Variants in KCNA10 observed in about 807,000 individuals in gnomAD.
KCNA10 encodes the protein cyclic GMP gated potassium channel.
A neutral mutation model predicts 21.4 loss-of-function variants in KCNA10; 16 were observed. The ratio of observed to expected loss-of-function variants is 0.75; its 90% CI spans 0.51 to 1.14. The LOEUF (loss-of-function observed/expected upper bound fraction) is 1.14, where lower values mean the gene tolerates loss of function less well. Among genes scored for constraint, KCNA10 ranks in the 50% most tolerant of loss-of-function variants. The pLI is 0.00. For missense variants in KCNA10, 677 were observed against 649.1 expected, an observed-to-expected ratio of 1.04 and a Z score of -0.47; for synonymous variants, 276 against 245.9, an observed-to-expected ratio of 1.12 and a Z score of -1.15.
At position 110,517,444 on chromosome 1, in the gene KCNA10, G is replaced by C. The variant is rs773143869; in HGVS notation, c.1344C>G (p.Thr448=). The change falls in exon 1 of 1, where the codon ACC becomes ACG. Residue 448 remains threonine, a synonymous_variant. Coordinates refer to ENST00000369771, the MANE Select transcript of KCNA10 (RefSeq NM_005549.2). Reference sequence around the variant, plus strand: ...CAATGACAGGCACAGGGAGGGCAATGGTGAGGACCCCTGCAATGGCACACA... The same window carrying C: ...CAATGACAGGCACAGGGAGGGCAATCGTGAGGACCCCTGCAATGGCACACA... ...GTLCAIAGVL[T]IALPVPVIVS... is the part of the protein sequence containing the mutation. 2 of 1,614,198 alleles carry C rather than the reference G, an allele frequency of 1.2e-6. No individual in the cohort carries two copies. The highest frequency in any genetic ancestry group is 2.2e-5 in the East Asian group (1 of 44,880).
Position 110,518,446 on chromosome 1 carries a change from G to A in KCNA10, c.342C>T (p.Asp114=), listed in dbSNP as rs1647288150. ...LSQFPETLLG[D]REKRMQFFDS... ...CAAAGAACTGCATCCTTTTTTCCCG[G>A]TCTCCCAGGAGAGTCTCTGGGAACT... is the stretch of plus-strand genomic sequence containing the variant. The change falls in exon 1 of 1, where the codon GAC becomes GAT. Residue 114 remains aspartate, a synonymous_variant. Coordinates refer to ENST00000369771, the MANE Select transcript of KCNA10 (RefSeq NM_005549.2). 1.2e-6 allele frequency: 2 copies of A among 1,613,946 alleles called. No individual in the cohort carries two copies. Among genetic ancestry groups the A allele is most frequent in the South Asian group, 1.1e-5 (1 of 91,066 alleles).
chr1:110,518,056 A>G lies in KCNA10; in HGVS notation c.732T>C (p.Asp244=), dbSNP rs1187196896. 1 of 1,613,652 alleles carries G rather than the reference A, an allele frequency of 6.2e-7. No individual in the cohort carries two copies. The highest frequency in any genetic ancestry group is 8.5e-7 in the Non-Finnish European group (1 of 1,179,916). The stretch of plus-strand genomic sequence containing the variant: ...GGTCTCTGACCACCTTTAGCTCCCT[A>G]TCCTCCCGGAACTCTGGCAGTGTCT... ...CLETLPEFRE[D]RELKVVRDPN... Residue 244 remains aspartate (D), a synonymous_variant, in exon 1 of 1, where the codon GAT becomes GAC. Coordinates refer to ENST00000369771, the MANE Select transcript of KCNA10 (RefSeq NM_005549.2).
In KCNA10 at chr1:110,518,403, A is replaced by G; in HGVS notation, c.385T>C (p.Tyr129His). The G allele has an allele frequency of 6.2e-7, 1 of 1,614,096 alleles. No individual in the cohort carries two copies. Among genetic ancestry groups the G allele is most frequent in the Non-Finnish European group, 8.5e-7 (1 of 1,180,024 alleles). Residue 129 changes from tyrosine (Y) to histidine (H), a missense_variant, in exon 1 of 1, where the codon TAT (tyrosine) becomes CAT (histidine). Transcript: ENST00000369771. ...CTGGGCCGGTTCCGATCAAAGAAAT[A>G]CTCATTTCTCATGGAGTCAAAGAAC... ...MQFFDSMRNE[Y>H]FFDRNRPSFD...
Position 110,518,206 on chromosome 1 carries a change from G to C in KCNA10, c.582C>G (p.Pro194=). The change falls in exon 1 of 1, where the codon CCC becomes CCG. Residue 194 remains proline (P), a synonymous_variant. Coordinates refer to ENST00000369771, the MANE Select transcript of KCNA10 (RefSeq NM_005549.2). ...GFIKDPETLL[P]TNDIHRQFWL... ...AGAACTGACGGTGGATGTCATTGGT[G>C]GGTAGCAGTGTTTCAGGGTCTTTGA... 1 of 1,613,888 alleles carries C rather than the reference G, an allele frequency of 6.2e-7. No individual in the cohort carries two copies. Among genetic ancestry groups the C allele is most frequent in the Non-Finnish European group, 8.5e-7 (1 of 1,180,004 alleles).
At position 110,517,529 on chromosome 1, in the gene KCNA10, G is replaced by A; in HGVS notation, c.1259C>T (p.Thr420Ile). The change falls in exon 1 of 1, where the codon ACA becomes ATA. Residue 420 changes from threonine (T) to isoleucine (I), a missense_variant. Physicochemically the swap from Thr to Ile is moderately conservative, Grantham distance 89. Transcript: ENST00000369771. ...DGFWWAVVTM[T>I]TVGYGDMCPT... ...GCACATGTCCCCATAGCCTACAGTT[G>A]TCATGGTGACCACTGCCCACCAGAA... is the stretch of plus-strand genomic sequence containing the variant. 1 of 1,614,220 alleles carries A rather than the reference G, an allele frequency of 6.2e-7. No homozygotes were observed. Among genetic ancestry groups the A allele is most frequent in the Non-Finnish European group, 8.5e-7 (1 of 1,180,052 alleles).
In KCNA10 at chr1:110,517,244, T is replaced by G. The variant is rs1570714390; in HGVS notation, c.*8A>C. On this transcript the variant is annotated 3_prime_UTR_variant, in exon 1 of 1. Coordinates refer to ENST00000369771, the MANE Select transcript of KCNA10 (RefSeq NM_005549.2). ...GAGACAGGATGGACCCAAGAAGCCCTGGACTGATCATTTCCTAGACTTCTC... is the reference window on the plus strand; with the variant it reads ...GAGACAGGATGGACCCAAGAAGCCCGGGACTGATCATTTCCTAGACTTCTC... 1 of 1,604,806 alleles carries G rather than the reference T, an allele frequency of 6.2e-7. No homozygotes were observed. The highest frequency in any genetic ancestry group is 8.5e-7 in the Non-Finnish European group (1 of 1,172,130).
rs1647265140 is a variant in KCNA10, at chr1:110,517,951, G to A, written c.837C>T (p.Ile279=). Residue 279 remains isoleucine (I), a synonymous_variant, in exon 1 of 1, where the codon ATC becomes ATT. Transcript: ENST00000369771. Reference sequence around the variant, plus strand: ...GCACCAGCTCGAAGGTGAACCACACGATGCAGGTAGACTCCACCATGAAGA... The same window carrying A: ...GCACCAGCTCGAAGGTGAACCACACAATGCAGGTAGACTCCACCATGAAGA... ...DPFFMVESTC[I]VWFTFELVLR... 3.1e-6 allele frequency: 5 copies of A among 1,613,630 alleles called. No homozygotes were observed. The highest frequency in any genetic ancestry group is 1.6e-4 in the Middle Eastern group (1 of 6,084).
In KCNA10 at chr1:110,518,764, T is replaced by C. The variant is rs1220434544; in HGVS notation, c.24A>G (p.Glu8=). 6.3e-7 allele frequency: 1 copy of C among 1,585,048 alleles called. No individual in the cohort carries two copies. Among genetic ancestry groups the C allele is most frequent in the African/African-American group, 1.3e-5 (1 of 74,118 alleles). The change falls in exon 1 of 1, where the codon GAA becomes GAG. Residue 8 remains glutamate, a synonymous_variant. Transcript: ENST00000369771. The part of the protein sequence containing the change: MDVCGWK[E]MEVALVNFDN... ...CAAAATTGACCAGCGCAACCTCCAT[T>C]TCTTTCCAGCCACACACATCCATTC...
Position 110,517,463 on chromosome 1 carries a change from G to A in KCNA10, c.1325C>T (p.Ala442Val). 1 of 1,614,160 alleles carries A rather than the reference G, an allele frequency of 6.2e-7. No homozygotes were observed. Among genetic ancestry groups the A allele is most frequent in the Non-Finnish European group, 8.5e-7 (1 of 1,180,010 alleles). Residue 442 changes from alanine to valine, a missense_variant, in exon 1 of 1, where the codon GCC becomes GTC. Coordinates refer to ENST00000369771, the MANE Select transcript of KCNA10 (RefSeq NM_005549.2). Reference sequence around the variant, plus strand: ...GGCAATGGTGAGGACCCCTGCAATGGCACACAGAGTGCCCACAATCTTCCC... The same window carrying A: ...GGCAATGGTGAGGACCCCTGCAATGACACACAGAGTGCCCACAATCTTCCC... ...PGGKIVGTLCAIAGVLTIALP... is the reference protein window; with the variant it reads ...PGGKIVGTLCVIAGVLTIALP...
In KCNA10 at chr1:110,517,430, A is replaced by T. The variant is rs1469396348; in HGVS notation, c.1358T>A (p.Val453Glu). 6.2e-7 allele frequency: 1 copy of T among 1,614,070 alleles called. No homozygotes were observed. The highest frequency in any genetic ancestry group is 8.5e-7 in the Non-Finnish European group (1 of 1,180,030). Reference protein sequence around the residue: ...IAGVLTIALPVPVIVSNFNYF... With the variant: ...IAGVLTIALPEPVIVSNFNYF... ...ATTGAAGTTGGAGACAATGACAGGCACAGGGAGGGCAATGGTGAGGACCCC... is the reference window on the plus strand; with the variant it reads ...ATTGAAGTTGGAGACAATGACAGGCTCAGGGAGGGCAATGGTGAGGACCCC... Residue 453 changes from valine (V) to glutamate (E), a missense_variant, in exon 1 of 1, where the codon GTG becomes GAG. Transcript: ENST00000369771.
Position 110,518,998 on chromosome 1 carries a change from A to G in KCNA10, c.-211T>C. 2.2e-6 allele frequency: 1 copy of G among 452,210 alleles called. No homozygotes were observed. Among genetic ancestry groups the G allele is most frequent in the South Asian group, 7.1e-5 (1 of 14,082 alleles). 28.0% of individuals were successfully genotyped at this position (452,210 alleles called of 1,614,324 possible). Reference sequence around the variant, plus strand: ...TATTTTGGCAGCATGCTTCCCTTAAAATCATTTTGTACCCCTGAGTTTGCA... The same window carrying G: ...TATTTTGGCAGCATGCTTCCCTTAAGATCATTTTGTACCCCTGAGTTTGCA... On this transcript the variant is annotated 5_prime_UTR_variant, in exon 1 of 1. Coordinates refer to ENST00000369771, the MANE Select transcript of KCNA10 (RefSeq NM_005549.2).
In KCNA10 at chr1:110,518,825, C is replaced by A. The variant is rs1246825511; in HGVS notation, c.-38G>T. ...AGGGAAGAAGCATGAAGATCCTCAG[C>A]CTTCACTGCCTGCTGTGAGCTATGG... On this transcript the variant is annotated 5_prime_UTR_variant, in exon 1 of 1. Coordinates refer to ENST00000369771, the MANE Select transcript of KCNA10 (RefSeq NM_005549.2). 4.1e-6 allele frequency: 6 copies of A among 1,446,532 alleles called. No individual in the cohort carries two copies. The East Asian group carries it at 1.2e-4, about 29-fold the overall frequency. 89.6% of individuals were successfully genotyped at this position (1,446,532 alleles called of 1,614,324 possible). A position where few individuals can be genotyped will look rare whatever the true frequency, so the allele number is the denominator to read the frequency against.
Position 110,518,577 on chromosome 1 carries a change from C to T in KCNA10, c.211G>A (p.Ala71Thr). 1 of 1,614,150 alleles carries T rather than the reference C, an allele frequency of 6.2e-7. No individual in the cohort carries two copies. The highest frequency in any genetic ancestry group is 8.5e-7 in the Non-Finnish European group (1 of 1,180,028). The change falls in exon 1 of 1, where the codon GCT becomes ACT. Residue 71 changes from alanine to threonine, a missense_variant. Transcript: ENST00000369771. ...ACTGGCTCAGGCCCTGGGGGGTCAG[C>T]ATAGTCTCCCGGAAGCTTGGAGAAG... ...TAFSKLPGDY[A>T]DPPGPEPVVL...
Position 110,518,273 on chromosome 1 carries a change from C to T in KCNA10, c.515G>A (p.Gly172Asp), listed in dbSNP as rs376103507. 69 of 1,614,082 alleles carry T rather than the reference C, an allele frequency of 4.3e-5. 1 individual carries two copies. The South Asian group carries it at 7.1e-4, about 17-fold the overall frequency. Reference protein sequence around the residue: ...FADEISFYELGSEAMDQFRED... With the variant: ...FADEISFYELDSEAMDQFRED... ...CCGGAACTGGTCCATGGCCTCACTA[C>T]CCAGCTCATAGAAGGAGATTTCATC... is the stretch of plus-strand genomic sequence containing the variant. The change falls in exon 1 of 1, where the codon GGT (glycine) becomes GAT (aspartate). Residue 172 changes from glycine to aspartate, a missense_variant. Transcript: ENST00000369771.
Position 110,517,981 on chromosome 1 carries a change from G to T in KCNA10, c.807C>A (p.Asp269Glu). The T allele has an allele frequency of 6.2e-7, 1 of 1,613,912 alleles. No individual in the cohort carries two copies. The change falls in exon 1 of 1, where the codon GAC becomes GAA. Residue 269 changes from aspartate (D) to glutamate (E), a missense_variant. Transcript: ENST00000369771. ...AGGTAGACTCCACCATGAAGAAAGG[G>T]TCGGTGAACATGGTCTGGGAGAGGA... ...KTVLSQTMFT[D>E]PFFMVESTCI... is the part of the protein sequence containing the mutation.
chr1:110,517,605 AG>A lies in KCNA10; in HGVS notation c.1182del (p.Phe395LeufsTer25). On this transcript the variant is annotated frameshift_variant, in exon 1 of 1. Coordinates refer to ENST00000369771, the MANE Select transcript of KCNA10 (RefSeq NM_005549.2). LOFTEE classifies it high-confidence loss of function. ...GACTCTGGCTCATCCACCTCAGCAA[AG>A]TAGACTGCACTGGAGAAGAGGATGA... is the stretch of plus-strand genomic sequence containing the variant. Reference protein sequence around the residue: ...IGVILFSSAVYFAEVDEPESH... With the variant: ...IGVILFSSAVXFAEVDEPESH... The A allele has an allele frequency of 6.2e-7, 1 of 1,614,214 alleles. No individual in the cohort carries two copies. Among genetic ancestry groups the A allele is most frequent in the Non-Finnish European group, 8.5e-7 (1 of 1,180,036 alleles).
At position 110,517,908 on chromosome 1, in the gene KCNA10, G is replaced by A. The variant is rs754042866; in HGVS notation, c.880C>T (p.Pro294Ser). ...TTCCTGAAGAAGTCAGTCTTGCTGGGGCAGACCACGAACCGGAGCACCAGC... is the reference window on the plus strand; with the variant it reads ...TTCCTGAAGAAGTCAGTCTTGCTGGAGCAGACCACGAACCGGAGCACCAGC... Reference protein sequence around the residue: ...FELVLRFVVCPSKTDFFRNIM... With the variant: ...FELVLRFVVCSSKTDFFRNIM... Residue 294 changes from proline (P) to serine (S), a missense_variant, in exon 1 of 1, where the codon CCC becomes TCC. Coordinates refer to ENST00000369771, the MANE Select transcript of KCNA10 (RefSeq NM_005549.2). 12 of 1,613,864 alleles carry A rather than the reference G, an allele frequency of 7.4e-6. No homozygotes were observed. The South Asian group carries it at 7.7e-5, about 10-fold the overall frequency.
Position 110,518,618 on chromosome 1 carries a change from G to A in KCNA10, c.170C>T (p.Thr57Ile), listed in dbSNP as rs1408018061. Reference protein sequence around the residue: ...SNGKILISESTNHETAFSKLP... With the variant: ...SNGKILISESINHETAFSKLP... Reference sequence around the variant, plus strand: ...CTTGGAGAAGGCCGTCTCATGGTTGGTGCTTTCGCTGATGAGGATCTTCCC... The same window carrying A: ...CTTGGAGAAGGCCGTCTCATGGTTGATGCTTTCGCTGATGAGGATCTTCCC... Residue 57 changes from threonine to isoleucine, a missense_variant, in exon 1 of 1, where the codon ACC becomes ATC. By Grantham distance (89) the Thr-to-Ile change is moderately conservative. Transcript: ENST00000369771. 3 of 1,614,224 alleles carry A rather than the reference G, an allele frequency of 1.9e-6. No homozygotes were observed. Among genetic ancestry groups the A allele is most frequent in the South Asian group, 2.2e-5 (2 of 91,070 alleles).
rs561834547 is a variant in KCNA10, at chr1:110,517,519, G to A, written c.1269C>T (p.Gly423=). The A allele has an allele frequency of 1.9e-5, 31 of 1,614,194 alleles. No individual in the cohort carries two copies. The South Asian group carries it at 3.1e-4, about 16-fold the overall frequency. ...GGGTGGTCGGGCACATGTCCCCATA[G>A]CCTACAGTTGTCATGGTGACCACTG... ...WWAVVTMTTV[G]YGDMCPTTPG... Residue 423 remains glycine (G), a synonymous_variant, in exon 1 of 1, where the codon GGC becomes GGT. Coordinates refer to ENST00000369771, the MANE Select transcript of KCNA10 (RefSeq NM_005549.2).
Sources: gnomAD v4.1 joint callset for allele counts on GRCh38, gnomAD v4.1.1 for gene constraint, MANE v1.5 for transcripts, NCBI Gene and HGNC (gene_info 2026-07-23, HGNC 2026-07-21) for gene names.